DCC: variants seen among roughly 807,000 people sequenced by gnomAD.
DCC encodes netrin receptor DCC.
A neutral mutation model predicts 172.5 loss-of-function variants in DCC; 58 were observed. That is an observed-to-expected ratio of 0.34 (90% CI 0.27 to 0.42). DCC has a LOEUF of 0.42. Ranked by LOEUF, DCC falls within the 10% of genes least tolerant of loss-of-function variation. The pLI is 1.00. For synonymous variants in DCC, 709 were observed against 644.5 expected (o/e 1.10, Z -1.52); for missense variants, 1,740 against 1,791.0 (o/e 0.97, Z 0.51).
At chr18:52,491,984 A>T (rs533012699) in intron 1 of DCC, among the ~76,000 whole-genome samples, 1 of 152,050 alleles carries the variant, frequency 6.6e-6, no homozygotes, top group South Asian at 2.1e-4. Context: ...ATGTGTCCCT[A>T]ATACCATGTC....
At chr18:53,351,322 A>ATAG (rs2057795115) in intron 15 of DCC, among the ~76,000 whole-genome samples, 1 of 42,146 alleles carries the variant, frequency 2.4e-5, no homozygotes, top group African/African-American at 6.6e-5. Context: ...TATACACTGT[A>ATAG]TATATATATA....
chr18:53,072,361 G>A (rs1168497497), intron 7 of DCC, among the ~76,000 whole-genome samples: 3 of 152,162 alleles, frequency 2.0e-5, no homozygotes, highest in Non-Finnish European at 4.4e-5. Context: ...TGGAGCTGGG[G>A]AGCAGGAGAT....
chr18:52,731,197 G>C (rs2036635246), intron 1 of DCC, among the ~76,000 whole-genome samples: 1 of 152,164 alleles, frequency 6.6e-6, no homozygotes, highest in Non-Finnish European at 1.5e-5. Context: ...TCCTATCCTA[G>C]ACACTGTGTA....
chr18:52,878,258 A>G (rs1052889895), intron 2 of DCC, among the ~76,000 whole-genome samples: 2 of 152,188 alleles, frequency 1.3e-5, no homozygotes, highest in African/African-American at 2.4e-5. Context: ...CCTCAAATAC[A>G]TTCTATAAAA....
intron 1 of DCC, among the ~76,000 whole-genome samples, chr18:52,719,996 C>T (rs1238296930): frequency 1.3e-5 from 2 of 151,996 alleles, no homozygotes. Flanking sequence ...GAATGGCAAG[C>T]TCTGAATTCT....
chr18:53,240,031 A>AC (rs1366175102), intron 12 of DCC, among the ~76,000 whole-genome samples: 5 of 134,418 alleles, frequency 3.7e-5, no homozygotes, highest in South Asian at 2.9e-4. Context: ...AGAGTTAAAA[A>AC]AAAAAAAAAA....
At chr18:53,318,935 C>T (rs573266018) in intron 13 of DCC, among the ~76,000 whole-genome samples, 5 of 152,064 alleles carry the variant, frequency 3.3e-5, no homozygotes, top group East Asian at 1.9e-4. Context: ...ACTGCAAGTC[C>T]GATAATAGTG....
chr18:53,078,105 A>G (rs577334186), intron 7 of DCC, among the ~76,000 whole-genome samples: 8 of 152,176 alleles, frequency 5.3e-5, no homozygotes, highest in South Asian at 2.1e-4. Flanking sequence ...TCATTATTCA[A>G]TATTTATCGA....
chr18:52,981,786 T>C (rs2145605498), intron 5 of DCC, among the ~76,000 whole-genome samples: 1 of 152,200 alleles, frequency 6.6e-6, no homozygotes, highest in East Asian at 1.9e-4. Flanking sequence ...AGTATGTTGA[T>C]GGAAAGATTA....
chr18:52,887,322 C>T (rs113717443), intron 2 of DCC, among the ~76,000 whole-genome samples: 1,641 of 151,198 alleles, frequency 0.011, 23 homozygotes, highest in African/African-American at 0.035. Context: ...TTTTTTTAAA[C>T]TATCATCAAC....
At chr18:53,075,478 C>T (rs1440681609) in intron 7 of DCC, among the ~76,000 whole-genome samples, 1 of 150,854 alleles carries the variant, frequency 6.6e-6, no homozygotes, top group African/African-American at 2.4e-5. Flanking sequence ...ATATGGAAAA[C>T]TTGATAGATT....
chr18:52,573,992 A>G (rs1035327982), intron 1 of DCC, among the ~76,000 whole-genome samples: 9 of 152,130 alleles, frequency 5.9e-5, no homozygotes, highest in Admixed American at 1.3e-4. Context: ...GTATTTAACC[A>G]CATGCATAGC....
intron 7 of DCC, among the ~76,000 whole-genome samples, chr18:53,130,146 C>T (rs2043628980): frequency 6.6e-6 from 1 of 152,158 alleles, no homozygotes; most frequent in South Asian, 2.1e-4. Flanking sequence ...TTGCAGACTA[C>T]CCATTCATAT....
chr18:53,379,460 G>A (rs941174744), intron 15 of DCC, among the ~76,000 whole-genome samples: 2 of 152,130 alleles, frequency 1.3e-5, no homozygotes, highest in African/African-American at 4.8e-5. Flanking sequence ...CAGCATCTTG[G>A]TCTAGCCCTG....
Position 53,404,788 on chromosome 18 carries a change from C to A in DCC, c.2935+1895C>A, listed in dbSNP as rs530243055. Among the ~76,000 whole-genome samples the A allele has an allele frequency of 3.3e-5, 5 of 151,282 alleles. No individual in the cohort carries two copies. In the East Asian group the frequency reaches 9.7e-4, roughly 29 times the overall value. On this transcript the variant is annotated intron_variant, in intron 19 of 28. Coordinates refer to ENST00000442544, the MANE Select transcript of DCC (RefSeq NM_005215.4). ...AAAAAGAAATGCAAATTAATCTAAG[C>A]AATAAAATTGTATATGCCAAAATCA...
chr18:53,494,304 A>T (rs1376572783), intron 26 of DCC, among the ~76,000 whole-genome samples: 1 of 152,146 alleles, frequency 6.6e-6, no homozygotes, highest in African/African-American at 2.4e-5. Flanking sequence ...TATTCTGTTG[A>T]TGTGGGCTGG....
At chr18:52,831,501 C>T (rs576093568) in intron 2 of DCC, among the ~76,000 whole-genome samples, 8 of 152,194 alleles carry the variant, frequency 5.3e-5, no homozygotes, top group African/African-American at 1.9e-4. Context: ...AGGGTGATGG[C>T]AGCCGAAGTG....
At chr18:53,104,640 G>A (rs563418595) in intron 7 of DCC, among the ~76,000 whole-genome samples, 3 of 152,112 alleles carry the variant, frequency 2.0e-5, no homozygotes, top group South Asian at 4.1e-4. Context: ...GTTTATCACT[G>A]GAACAGTTTT....
intron 1 of DCC, among the ~76,000 whole-genome samples, chr18:52,441,332 T>C (rs1303354110): frequency 6.6e-6 from 1 of 152,200 alleles, no homozygotes; most frequent in Non-Finnish European, 1.5e-5. Flanking sequence ...AATGTTTATA[T>C]TGATTTTTGC....
Sources: allele counts gnomAD v4.1 joint callset (sites outside exome capture counted in the v4.1 genomes callset), GRCh38; gene constraint gnomAD v4.1.1; transcripts MANE v1.5; gene names NCBI Gene and HGNC (gene_info 2026-07-23, HGNC 2026-07-21).